The following SOX6 variants were observed in gnomAD, a reference collection of about 807,000 sequenced individuals.
SOX6 encodes transcription factor SOX-6.
In SOX6, 11 loss-of-function variants were observed where a neutral mutation model predicts 97.8. That is an observed-to-expected ratio of 0.11 (90% CI 0.07 to 0.19). SOX6 has a LOEUF of 0.19. SOX6 is among the 10% of genes least tolerant of loss of function. The pLI is 1.00. For synonymous variants in SOX6, 360 were observed against 371.4 expected (o/e 0.97, Z 0.35); for missense variants, 810 against 1,039.5 (o/e 0.78, Z 3.04).
intron 2 of SOX6, among the ~76,000 whole-genome samples, chr11:16,715,087 T>A (rs2134050086): frequency 6.6e-6 from 1 of 152,250 alleles, no homozygotes; most frequent in East Asian, 1.9e-4. Flanking sequence ...CCTGCTCCCA[T>A]TCTGTTATGG....
chr11:16,523,749 GA>G (rs1565171526), intron 4 of SOX6, among the ~76,000 whole-genome samples: 1 of 151,804 alleles, frequency 6.6e-6, no homozygotes, highest in South Asian at 2.1e-4. Context: ...GACTAATAAA[GA>G]AAAAAAGAAA....
chr11:16,132,501 A>AAGCAAGCAAGC lies in SOX6; in HGVS notation c.778-20579_778-20578insGCTTGCTTGCT, dbSNP rs1554934078. Among the ~76,000 whole-genome samples, 140 of 81,150 alleles carry AAGCAAGCAAGC rather than the reference A, an allele frequency of 1.7e-3. 9 individuals carry two copies. Among genetic ancestry groups the AAGCAAGCAAGC allele is most frequent in the Non-Finnish European group, 2.5e-3 (82 of 33,374 alleles). The allele number at this position is 81,150 out of a possible 152,430, so 53.2% of individuals were successfully genotyped here. ...GAAAGAAAGAAAGAAAGAAAGAAAG[A>AAGCAAGCAAGC]AAGAAAGCTTATCTTTGTATCTAGG... On this transcript the variant is annotated intron_variant, in intron 6 of 15. Coordinates refer to ENST00000683767, the MANE Select transcript of SOX6 (RefSeq NM_001367873.1).
At chr11:16,302,691 G>A (rs1388537391) in intron 3 of SOX6, among the ~76,000 whole-genome samples, 3 of 145,672 alleles carry the variant, frequency 2.1e-5, no homozygotes, top group Non-Finnish European at 3.0e-5. Flanking sequence ...TGCCACAGCC[G>A]CCTGTGTAGC....
intron 12 of SOX6, 169 bp from the exon 13 acceptor site, chr11:16,015,219 A>G (rs1271391431): frequency 5.9e-6 from 4 of 676,582 alleles, no homozygotes; most frequent in East Asian, 2.7e-5. Context: ...TGTTTGTGAC[A>G]TGGACAGCAC....
chr11:16,637,834 G>C (rs746583328), intron 3 of SOX6, among the ~76,000 whole-genome samples: 2 of 151,774 alleles, frequency 1.3e-5, no homozygotes, highest in African/African-American at 2.4e-5. Context: ...GCAGGAATAT[G>C]TGTGCAACGT....
intron 4 of SOX6, among the ~76,000 whole-genome samples, chr11:16,587,683 G>A (rs993826499): frequency 2.6e-4 from 39 of 152,196 alleles, no homozygotes; most frequent in African/African-American, 8.4e-4. Context: ...AGAGAACTAA[G>A]TTGTTAATGA....
At chr11:16,168,271 T>C (rs1850937156) in intron 6 of SOX6, among the ~76,000 whole-genome samples, 1 of 152,122 alleles carries the variant, frequency 6.6e-6, no homozygotes, top group African/African-American at 2.4e-5. Flanking sequence ...GTATCAAATA[T>C]GATTTGGAGT....
chr11:16,090,386 C>T (rs991298062), intron 9 of SOX6, among the ~76,000 whole-genome samples: 1 of 152,054 alleles, frequency 6.6e-6, no homozygotes, highest in Non-Finnish European at 1.5e-5. Context: ...AAAGAAAATC[C>T]AGTTTATCCA....
chr11:16,353,005 A>T (rs781549081), intron 1 of SOX6, among the ~76,000 whole-genome samples: 1 of 152,058 alleles, frequency 6.6e-6, no homozygotes, highest in African/African-American at 2.4e-5. Context: ...TTGGTTGTTA[A>T]CTATCCATGC....
intron 6 of SOX6, among the ~76,000 whole-genome samples, chr11:16,177,651 T>TTCTC (rs1554940451): frequency 1.4e-5 from 1 of 70,414 alleles, no homozygotes; most frequent in Non-Finnish European, 3.0e-5. Context: ...CTCTCTCTCA[T>TTCTC]TCTCTCTCTC....
chr11:16,204,420 G>A (rs1016894453), intron 4 of SOX6, among the ~76,000 whole-genome samples: 1 of 152,056 alleles, frequency 6.6e-6, no homozygotes, highest in African/African-American at 2.4e-5. Flanking sequence ...GAGGACATGT[G>A]GGGGTGTGGT....
At chr11:16,253,083 C>G (rs963662829) in intron 3 of SOX6, among the ~76,000 whole-genome samples, 1 of 152,116 alleles carries the variant, frequency 6.6e-6, no homozygotes, top group Non-Finnish European at 1.5e-5. Flanking sequence ...CACGGTGGCT[C>G]ACACCTGTAA....
chr11:16,019,017 G>A (rs1048151260), intron 12 of SOX6, among the ~76,000 whole-genome samples: 17 of 152,136 alleles, frequency 1.1e-4, no homozygotes, highest in Admixed American at 5.9e-4. Context: ...AGAGTGGATT[G>A]TGTACTTAAA....
At chr11:16,692,080 TGTGTGTGTGCGCGC>T (rs1296376229) in intron 3 of SOX6, among the ~76,000 whole-genome samples, 10 of 127,772 alleles carry the variant, frequency 7.8e-5, no homozygotes, top group Non-Finnish European at 1.4e-4. Context: ...TGTGTGTGTG[TGTGTGTGTGCGCGC>T]GCGCGCTTTC....
chr11:16,127,394 T>C (rs569401204), intron 6 of SOX6, among the ~76,000 whole-genome samples: 1 of 152,188 alleles, frequency 6.6e-6, no homozygotes, highest in African/African-American at 2.4e-5. Context: ...AAATTAGTAA[T>C]ACTGAAGGTT....
chr11:16,442,664 A>C (rs1176574251), intron 1 of SOX6, among the ~76,000 whole-genome samples: 2 of 152,184 alleles, frequency 1.3e-5, no homozygotes, highest in Admixed American at 6.5e-5. Flanking sequence ...AAAGTATAAG[A>C]AAATTCAAAA....
At chr11:16,084,941 T>G (rs1305738776) in intron 9 of SOX6, among the ~76,000 whole-genome samples, 1 of 152,198 alleles carries the variant, frequency 6.6e-6, no homozygotes, top group Non-Finnish European at 1.5e-5. Flanking sequence ...AAGAAATGCC[T>G]CTTTATCAAC....
chr11:16,353,741 T>G (rs1857007307), intron 1 of SOX6, among the ~76,000 whole-genome samples: 1 of 152,052 alleles, frequency 6.6e-6, no homozygotes, highest in Non-Finnish European at 1.5e-5. Context: ...CCTGCTGTCT[T>G]GCATACTTAA....
chr11:16,120,561 C>CATATATATATATATATAT (rs71455877), intron 6 of SOX6, among the ~76,000 whole-genome samples: 12 of 145,044 alleles, frequency 8.3e-5, no homozygotes, highest in African/African-American at 2.8e-4. Context: ...GCTAACTTCA[C>CATATATATATATATATAT]ATATATATAT....
Sources: allele counts gnomAD v4.1 joint callset (sites outside exome capture counted in the v4.1 genomes callset), GRCh38; gene constraint gnomAD v4.1.1; transcripts MANE v1.5; gene names NCBI Gene and HGNC (gene_info 2026-07-23, HGNC 2026-07-21).